FAF1: variants seen among roughly 807,000 people sequenced by gnomAD.
FAF1 encodes the protein Fas associated factor 1.
In FAF1, 25 loss-of-function variants were observed where a neutral mutation model predicts 92.5. That is an observed-to-expected ratio of 0.27 (90% CI 0.20 to 0.38). FAF1 has a LOEUF of 0.38. Among genes scored for constraint, FAF1 ranks in the 10% least tolerant of loss-of-function variants. FAF1 has a pLI of 1.00. For synonymous variants in FAF1, 234 were observed against 273.2 expected (o/e 0.86, Z 1.42); for missense variants, 636 against 793.3 (o/e 0.80, Z 2.38).
chr1:50,511,194 G>T (rs1171365803), intron 15 of FAF1, among the ~76,000 whole-genome samples: 1 of 152,154 alleles, frequency 6.6e-6, no homozygotes, highest in African/African-American at 2.4e-5. Context: ...TGAGCCAGGA[G>T]ACTAGTGACC....
At chr1:50,852,432 C>T (rs11205783) in intron 2 of FAF1, among the ~76,000 whole-genome samples, 8,191 of 152,194 alleles carry the variant, frequency 0.054, 300 homozygotes, top group African/African-American at 0.096. Flanking sequence ...ATAAGAAACA[C>T]AATTCCCTTC....
chr1:50,638,798 T>A (rs1654185718), intron 8 of FAF1, among the ~76,000 whole-genome samples: 1 of 152,212 alleles, frequency 6.6e-6, no homozygotes, highest in Admixed American at 6.5e-5. Context: ...TTCTTCTCTA[T>A]TCCCAGTTTG....
intron 7 of FAF1, among the ~76,000 whole-genome samples, chr1:50,676,823 A>G (rs1010754909): frequency 3.3e-5 from 5 of 152,060 alleles, no homozygotes; most frequent in Non-Finnish European, 5.9e-5. Context: ...CTCCATCTAA[A>G]TATATATATG....
intron 6 of FAF1, among the ~76,000 whole-genome samples, chr1:50,727,107 G>A (rs1251618177): frequency 1.3e-5 from 2 of 152,154 alleles, no homozygotes; most frequent in Non-Finnish European, 2.9e-5. Flanking sequence ...CATTTTTAAT[G>A]TCTCAGCTTA....
chr1:50,892,446 G>A (rs2124701674), intron 1 of FAF1, among the ~76,000 whole-genome samples: 1 of 152,332 alleles, frequency 6.6e-6, no homozygotes, highest in African/African-American at 2.4e-5. Context: ...CACACTGGGA[G>A]CTACAGACTA....
chr1:50,831,552 A>C (rs1353904296), intron 2 of FAF1, among the ~76,000 whole-genome samples: 2 of 152,132 alleles, frequency 1.3e-5, no homozygotes, highest in East Asian at 3.9e-4. Context: ...GGGTTTCTTT[A>C]AATGTCTGTT....
intron 7 of FAF1, among the ~76,000 whole-genome samples, chr1:50,668,285 A>C (rs987196195): frequency 1.3e-5 from 2 of 152,218 alleles, no homozygotes; most frequent in African/African-American, 4.8e-5. Flanking sequence ...TTCTCTCTGC[A>C]TAACTAACGC....
chr1:50,624,996 G>A (rs577082128), intron 8 of FAF1, among the ~76,000 whole-genome samples: 40 of 149,734 alleles, frequency 2.7e-4, no homozygotes, highest in Admixed American at 8.1e-4. Flanking sequence ...CCGCCTCCCA[G>A]GTTCAAGAGA....
chr1:50,803,669 A>G (rs1662082975), intron 2 of FAF1, among the ~76,000 whole-genome samples: 1 of 152,194 alleles, frequency 6.6e-6, no homozygotes. Context: ...ATAATGCCTC[A>G]CCTGAGGCTG....
chr1:50,486,976 G>A (rs1431368102), intron 17 of FAF1, among the ~76,000 whole-genome samples: 1 of 151,986 alleles, frequency 6.6e-6, no homozygotes. Flanking sequence ...TGTAGTATTT[G>A]GGCCTTTGCA....
At chr1:50,673,238 C>G (rs1257061134) in intron 7 of FAF1, among the ~76,000 whole-genome samples, 2 of 149,460 alleles carry the variant, frequency 1.3e-5, no homozygotes, top group African/African-American at 5.0e-5. Flanking sequence ...AGCCTGGGAA[C>G]AGAGCGAGAC....
intron 4 of FAF1, among the ~76,000 whole-genome samples, chr1:50,779,895 C>T (rs1349133895): frequency 1.3e-5 from 2 of 151,428 alleles, no homozygotes; most frequent in African/African-American, 2.4e-5. Context: ...CCAGCCTGGG[C>T]CGCTTAGTGA....
intron 4 of FAF1, among the ~76,000 whole-genome samples, chr1:50,768,905 T>A (rs981356130): frequency 5.3e-5 from 8 of 151,642 alleles, no homozygotes; most frequent in African/African-American, 1.7e-4. Context: ...AAGAAACCAA[T>A]TACAAAGTTA....
At chr1:50,529,124 G>A (rs991500499) in intron 15 of FAF1, among the ~76,000 whole-genome samples, 10 of 152,212 alleles carry the variant, frequency 6.6e-5, no homozygotes, top group Non-Finnish European at 1.2e-4. Context: ...TAACCTCCAC[G>A]TTGTTTAAGA....
intron 13 of FAF1, among the ~76,000 whole-genome samples, chr1:50,546,430 A>G (rs1334235400): frequency 1.3e-5 from 2 of 152,028 alleles, no homozygotes; most frequent in Non-Finnish European, 2.9e-5. Flanking sequence ...CGGTGGTGCA[A>G]TCTCAGCTCA....
chr1:50,802,691 A>G (rs1370221857), intron 2 of FAF1, among the ~76,000 whole-genome samples: 38 of 152,180 alleles, frequency 2.5e-4, no homozygotes, highest in Admixed American at 2.5e-3. Flanking sequence ...AGGAAAACAA[A>G]ACAAAAACAA....
chr1:50,846,536 CATACG>C, intron 2 of FAF1: 1 of 502,266 alleles, frequency 2.0e-6, no homozygotes, highest in East Asian at 5.3e-5. Context: ...TGCTTTGAAA[CATACG>C]ATAGAGGTTC....
chr1:50,609,553 T>G (rs1652597103), intron 8 of FAF1, among the ~76,000 whole-genome samples: 1 of 152,106 alleles, frequency 6.6e-6, no homozygotes, highest in Non-Finnish European at 1.5e-5. Context: ...TCTGGCCAAC[T>G]TTTTTTAAAT....
At chr1:50,473,133 A>G (rs1437356640) in intron 18 of FAF1, among the ~76,000 whole-genome samples, 1 of 152,140 alleles carries the variant, frequency 6.6e-6, no homozygotes, top group Non-Finnish European at 1.5e-5. Context: ...AACCACAGGG[A>G]GATAGTAGCA....
Sources: gnomAD v4.1 joint callset for allele counts (sites outside exome capture counted in the v4.1 genomes callset) on GRCh38, gnomAD v4.1.1 for gene constraint, MANE v1.5 for transcripts, NCBI Gene and HGNC (gene_info 2026-07-23, HGNC 2026-07-21) for gene names.